The following GRM7 variants were observed in gnomAD, a reference collection of about 807,000 sequenced individuals.
GRM7 encodes metabotropic glutamate receptor 7.
Under a neutral mutation model 84.5 loss-of-function variants are expected in GRM7, and 35 were observed. That is an observed-to-expected ratio of 0.41 (90% CI 0.32 to 0.55). The LOEUF is 0.55. Ranked by LOEUF, GRM7 falls within the 20% of genes least tolerant of loss-of-function variation. GRM7 has a pLI of 0.19. For synonymous variants in GRM7, 487 were observed against 455.1 expected (o/e 1.07, Z -0.89); for missense variants, 1,003 against 1,194.6 (o/e 0.84, Z 2.36).
chr3:7,351,852 G>A (rs887893050), intron 4 of GRM7, among the ~76,000 whole-genome samples: 1 of 151,974 alleles, frequency 6.6e-6, no homozygotes, highest in Non-Finnish European at 1.5e-5. Flanking sequence ...TGAGGGCTGA[G>A]TTCCTTGGTT....
chr3:7,206,296 G>A (rs1340794460), intron 2 of GRM7, among the ~76,000 whole-genome samples: 1 of 152,140 alleles, frequency 6.6e-6, no homozygotes, highest in Non-Finnish European at 1.5e-5. Flanking sequence ...AGTGGGAGAA[G>A]GAGCTATTAC....
intron 6 of GRM7, among the ~76,000 whole-genome samples, chr3:7,460,234 T>C (rs1383724313): frequency 6.6e-6 from 1 of 150,970 alleles, no homozygotes; most frequent in African/African-American, 2.4e-5. Flanking sequence ...TAGATGGTAA[T>C]GATTTTTTAT....
chr3:7,187,414 A>G (rs915025894), intron 2 of GRM7, among the ~76,000 whole-genome samples: 1 of 152,140 alleles, frequency 6.6e-6, no homozygotes, highest in Admixed American at 6.5e-5. Flanking sequence ...AGGCTAGGAT[A>G]TATTTATTGT....
chr3:7,283,772 G>A (rs941466226), intron 2 of GRM7, among the ~76,000 whole-genome samples: 2 of 152,030 alleles, frequency 1.3e-5, no homozygotes, highest in African/African-American at 2.4e-5. Context: ...TGGACTTTAC[G>A]GGCAGTTAAA....
chr3:7,372,239 A>C (rs971729866), intron 4 of GRM7, among the ~76,000 whole-genome samples: 3 of 152,258 alleles, frequency 2.0e-5, no homozygotes, highest in Admixed American at 2.0e-4. Context: ...AGATTTGTTG[A>C]GTTTTAGATG....
At chr3:6,946,936 CTTAAGGAGA>C (rs1329010841) in intron 1 of GRM7, among the ~76,000 whole-genome samples, 1 of 152,152 alleles carries the variant, frequency 6.6e-6, no homozygotes, top group East Asian at 1.9e-4. Flanking sequence ...TGCTTATCAG[CTTAAGGAGA>C]TTTTGGGCTG....
chr3:7,434,569 A>G (rs1308066294), intron 5 of GRM7, among the ~76,000 whole-genome samples: 2 of 152,174 alleles, frequency 1.3e-5, no homozygotes, highest in Non-Finnish European at 2.9e-5. Flanking sequence ...TACTATTTTT[A>G]TTTTTTAGTT....
At chr3:6,971,483 A>C (rs993757843) in intron 1 of GRM7, among the ~76,000 whole-genome samples, 3 of 152,110 alleles carry the variant, frequency 2.0e-5, no homozygotes, top group Non-Finnish European at 4.4e-5. Context: ...ACCCCAATAA[A>C]ACCATCAAAA....
At chr3:7,391,985 C>G (rs1159762778) in intron 4 of GRM7, among the ~76,000 whole-genome samples, 3 of 152,138 alleles carry the variant, frequency 2.0e-5, no homozygotes, top group Non-Finnish European at 4.4e-5. Context: ...AGAGATAACC[C>G]CCTCTCTACA....
Position 7,582,021 on chromosome 3 carries a change from A to C in GRM7, c.2451+2664A>C, listed in dbSNP as rs1695281478. ...GGGATGGAAGTGGTGAACTTTAACC[A>C]CAAGAGAATGATTCTAGCTTCAGGA... On this transcript the variant is annotated intron_variant, in intron 8 of 9. Transcript: ENST00000357716. Among the ~76,000 whole-genome samples, 3 of 152,206 alleles carry C rather than the reference A, an allele frequency of 2.0e-5. No homozygotes were observed. The South Asian group carries it at 6.2e-4, about 31-fold the overall frequency.
intron 4 of GRM7, among the ~76,000 whole-genome samples, chr3:7,374,228 A>G (rs1694251898): frequency 7.2e-6 from 1 of 139,190 alleles, no homozygotes; most frequent in African/African-American, 3.1e-5. Context: ...TATTAGTTAA[A>G]CATATATATA....
chr3:7,472,166 C>T (rs966393181), intron 7 of GRM7, among the ~76,000 whole-genome samples: 3 of 152,214 alleles, frequency 2.0e-5, no homozygotes, highest in African/African-American at 7.2e-5. Context: ...TCATCACCTT[C>T]TGCCATGAGT....
intron 2 of GRM7, among the ~76,000 whole-genome samples, chr3:7,259,430 T>C (rs1698326289): frequency 6.6e-6 from 1 of 152,184 alleles, no homozygotes; most frequent in Non-Finnish European, 1.5e-5. Context: ...ATTCTTTTCC[T>C]CCTCCCAACT....
At chr3:7,585,266 C>G (rs1311058209) in intron 8 of GRM7, among the ~76,000 whole-genome samples, 1 of 152,138 alleles carries the variant, frequency 6.6e-6, no homozygotes, top group Non-Finnish European at 1.5e-5. Context: ...CTGCTGTGAC[C>G]TTGGTGATAA....
intron 1 of GRM7, among the ~76,000 whole-genome samples, chr3:7,033,366 T>A (rs902129256): frequency 4.6e-5 from 7 of 152,138 alleles, no homozygotes; most frequent in African/African-American, 1.7e-4. Flanking sequence ...TCACAATATA[T>A]ATAAAATTAT....
At chr3:6,882,155 A>G (rs570017934) in intron 1 of GRM7, among the ~76,000 whole-genome samples, 2 of 152,274 alleles carry the variant, frequency 1.3e-5, no homozygotes, top group African/African-American at 4.8e-5. Flanking sequence ...TAGCATACCT[A>G]GACCCTAACA....
intron 7 of GRM7, among the ~76,000 whole-genome samples, chr3:7,550,007 C>T (rs1161315206): frequency 6.6e-6 from 1 of 152,082 alleles, no homozygotes; most frequent in Non-Finnish European, 1.5e-5. Flanking sequence ...TTTGCATATC[C>T]AAGTAAATAA....
At chr3:7,487,281 A>G (rs1368410098) in intron 7 of GRM7, among the ~76,000 whole-genome samples, 3 of 152,198 alleles carry the variant, frequency 2.0e-5, no homozygotes, top group Non-Finnish European at 4.4e-5. Flanking sequence ...CAGAGTCTGA[A>G]AATTTGGAAA....
At chr3:7,560,885 C>A (rs1693993247) in intron 7 of GRM7, among the ~76,000 whole-genome samples, 2 of 152,082 alleles carry the variant, frequency 1.3e-5, no homozygotes. Flanking sequence ...TTTGCCTTGG[C>A]CGTTTCTTCT....
Sources: gnomAD v4.1 joint callset for allele counts (sites outside exome capture counted in the v4.1 genomes callset) on GRCh38, gnomAD v4.1.1 for gene constraint, MANE v1.5 for transcripts, NCBI Gene and HGNC (gene_info 2026-07-23, HGNC 2026-07-21) for gene names.